Variants in MEI1 observed in about 807,000 individuals in gnomAD.
The protein encoded by MEI1 is meiosis inhibitor protein 1.
A neutral mutation model predicts 146.2 loss-of-function variants in MEI1; 103 were observed. The observed-to-expected ratio is 0.70, with a 90% CI of 0.60 to 0.83. The LOEUF is 0.83. MEI1 is among the 40% of genes least tolerant of loss of function. The probability of loss-of-function intolerance (pLI) is 0.00; values close to 1 mark genes in which losing one functional copy is unlikely to be tolerated. For missense variants in MEI1, 1,529 were observed against 1,533.0 expected (o/e 1.00, Z 0.04); for synonymous variants, 652 against 628.2 (o/e 1.04, Z -0.57).
intron 7 of MEI1, among the ~76,000 whole-genome samples, chr22:41,728,511 G>T (rs1406958929): frequency 6.6e-6 from 1 of 152,062 alleles, no homozygotes; most frequent in Non-Finnish European, 1.5e-5. Context: ...GGCCAAGGTG[G>T]GAGGATCACT....
At chr22:41,729,194 A>G (rs775150944) in intron 7 of MEI1, among the ~76,000 whole-genome samples, 6 of 141,096 alleles carry the variant, frequency 4.3e-5, no homozygotes, top group Non-Finnish European at 7.6e-5. Flanking sequence ...GGTACCAGGC[A>G]TGGTAGCATG....
chr22:41,702,795 G>T (rs973145440), intron 1 of MEI1, among the ~76,000 whole-genome samples: 3 of 150,222 alleles, frequency 2.0e-5, no homozygotes, highest in African/African-American at 7.4e-5. Context: ...TCTTGCTCTT[G>T]TCCCCCAGGC....
At chr22:41,798,116 A>AC (rs2076427204) in intron 30 of MEI1, among the ~76,000 whole-genome samples, 1 of 135,830 alleles carries the variant, frequency 7.4e-6, no homozygotes, top group Admixed American at 7.1e-5. Context: ...TCCTCAGCCC[A>AC]ACACACACAC....
At chr22:41,757,872 C>T (rs1569263966) in intron 17 of MEI1, among the ~76,000 whole-genome samples, 1 of 152,034 alleles carries the variant, frequency 6.6e-6, no homozygotes, top group East Asian at 1.9e-4. Flanking sequence ...TTTGGGAGGC[C>T]AAGGTGGGTG....
chr22:41,770,038 G>A (rs577505001), intron 19 of MEI1, among the ~76,000 whole-genome samples: 2 of 151,966 alleles, frequency 1.3e-5, no homozygotes, highest in Non-Finnish European at 2.9e-5. Context: ...GGAGGCTGAG[G>A]CAGGAGAATC....
intron 26 of MEI1, among the ~76,000 whole-genome samples, chr22:41,790,166 T>A (rs2076126661): frequency 6.6e-6 from 1 of 152,134 alleles, no homozygotes; most frequent in Non-Finnish European, 1.5e-5. Flanking sequence ...CACTGCAACC[T>A]CTGCCTTCCA....
At chr22:41,758,702 G>T (rs1050014318) in intron 18 of MEI1, among the ~76,000 whole-genome samples, 169 bp downstream of exon 18, 5 of 152,214 alleles carry the variant, frequency 3.3e-5, no homozygotes, top group Non-Finnish European at 7.3e-5. Context: ...AAGTGGGTTA[G>T]AACAGGTGGG....
At chr22:41,781,198 A>G (rs2075741832) in intron 22 of MEI1, 86 bp from the exon 23 acceptor site, 2 of 910,654 alleles carry the variant, frequency 2.2e-6, no homozygotes, top group Non-Finnish European at 3.5e-6. Flanking sequence ...CAAGACTGAC[A>G]TCTGAAATAG....
In MEI1 at chr22:41,702,635, G is replaced by A. The variant is rs542411506; in HGVS notation, c.175-696G>A. 5.3e-5 allele frequency among the ~76,000 whole-genome samples: 8 copies of A among 151,848 alleles called. No individual in the cohort carries two copies. In the South Asian group the frequency reaches 1.0e-3, roughly 20 times the overall value. ...TAATTTTGTATTCTTAGTAGAAACC[G>A]GGTTTCTCCATGTTGGTCAGGCCAG... On this transcript the variant is annotated intron_variant, in intron 1 of 30. Transcript: ENST00000401548.
chr22:41,736,410 T>C (rs1237335328), intron 11 of MEI1, among the ~76,000 whole-genome samples: 3 of 151,778 alleles, frequency 2.0e-5, no homozygotes, highest in Non-Finnish European at 1.5e-5. Flanking sequence ...CCACCATCCC[T>C]GGCTAATTTT....
chr22:41,751,582 G>T (rs959828669), intron 15 of MEI1, among the ~76,000 whole-genome samples: 20 of 151,338 alleles, frequency 1.3e-4, no homozygotes, highest in Admixed American at 2.0e-4. Context: ...ATACCAGCCT[G>T]ACCAACATAT....
At position 41,718,119 on chromosome 22, in the gene MEI1, G is replaced by T. The variant is rs2070383210; in HGVS notation, c.578G>T (p.Gly193Val). 1.2e-6 allele frequency: 2 copies of T among 1,613,380 alleles called. No homozygotes were observed. Among genetic ancestry groups the T allele is most frequent in the Non-Finnish European group, 1.7e-6 (2 of 1,179,882 alleles). Residue 193 changes from glycine to valine, a missense_variant, in exon 6 of 31, where the codon GGC (glycine) becomes GTC (valine). Physicochemically the swap from Gly to Val is moderately radical, Grantham distance 109 (BLOSUM62 -3). This residue lies in a region of MEI1 where 1,212 missense variants were observed against 1,178.9 expected (regional missense o/e 1.03). Transcript: ENST00000401548. ...AGAGGCTTAGTATACCCCAGTGAGG[G>T]CATACAAGCTTCTGTCTGTTACCTT... ...LLRGLVYPSE[G>V]IQASVCYLYG... is the part of the protein sequence containing the mutation.
Position 41,781,721 on chromosome 22 carries a change from A to G in MEI1, c.2963A>G (p.Glu988Gly). The G allele has an allele frequency of 6.2e-7, 1 of 1,613,762 alleles. No individual in the cohort carries two copies. Among genetic ancestry groups the G allele is most frequent in the Non-Finnish European group, 8.5e-7 (1 of 1,179,882 alleles). ...AVLLSSTGLM[E>G]LLEKMLALTL... ...CTCCTGAGCAGCACAGGCCTGATGG[A>G]GCTTCTGGAGAAGATGCTGGCCCTC... is the stretch of plus-strand genomic sequence containing the variant. The change falls in exon 24 of 31, where the codon GAG (glutamate) becomes GGG (glycine). Residue 988 changes from glutamate (E) to glycine (G), a missense_variant. This residue lies in a region of MEI1 where 4 missense variants were observed against 16.8 expected (regional missense o/e 0.24). Transcript: ENST00000401548.
chr22:41,723,556 T>C (rs1300143598), intron 6 of MEI1, among the ~76,000 whole-genome samples: 1 of 152,188 alleles, frequency 6.6e-6, no homozygotes, highest in African/African-American at 2.4e-5. Flanking sequence ...TACAGGAGTG[T>C]ATGCTCCCTT....
intron 6 of MEI1, chr22:41,722,184 C>T (rs529204841): frequency 6.6e-6 from 1 of 152,098 alleles, no homozygotes; most frequent in South Asian, 2.1e-4. Context: ...TCCCCTCAGC[C>T]AGGGATGTAG....
chr22:41,780,814 G>A (rs1247850656), intron 22 of MEI1, among the ~76,000 whole-genome samples: 1 of 151,974 alleles, frequency 6.6e-6, no homozygotes, highest in Non-Finnish European at 1.5e-5. Flanking sequence ...TGAACTCCTG[G>A]GCTCAAGCAA....
At chr22:41,710,320 C>T (rs1193708220) in intron 3 of MEI1, among the ~76,000 whole-genome samples, 2 of 152,132 alleles carry the variant, frequency 1.3e-5, no homozygotes, top group South Asian at 2.1e-4. Flanking sequence ...TTTAAGCCAT[C>T]CAGTCTGTGG....
intron 11 of MEI1, among the ~76,000 whole-genome samples, chr22:41,734,130 A>G (rs549869713): frequency 1.8e-5 from 2 of 113,046 alleles, no homozygotes; most frequent in South Asian, 4.3e-4. Flanking sequence ...TCTGTCTCAA[A>G]AAATAAAATA....
intron 3 of MEI1, among the ~76,000 whole-genome samples, chr22:41,710,174 C>T (rs1420219407): frequency 6.6e-6 from 1 of 151,802 alleles, no homozygotes; most frequent in Non-Finnish European, 1.5e-5. Flanking sequence ...GTGTGTGCAC[C>T]AAGCAAAGAC....
Sources: allele counts gnomAD v4.1 joint callset (sites outside exome capture counted in the v4.1 genomes callset), GRCh38; gene constraint gnomAD v4.1.1; regional missense constraint gnomAD v4.1.1; transcripts MANE v1.5; gene names NCBI Gene and HGNC (gene_info 2026-07-23, HGNC 2026-07-21).